The following MECOM variants were observed in gnomAD, a reference collection of about 807,000 sequenced individuals.
The protein encoded by MECOM is MDS1 and EVI1 complex locus.
MECOM carries 13 observed loss-of-function variants against 116.3 expected under a neutral mutation model. The ratio of observed to expected loss-of-function variants is 0.11; its 90% CI spans 0.07 to 0.18. The LOEUF (loss-of-function observed/expected upper bound fraction) is 0.18. Ranked by LOEUF, MECOM falls within the 10% of genes least tolerant of loss-of-function variation. The probability of loss-of-function intolerance (pLI) is 1.00; values close to 1 mark genes in which losing one functional copy is unlikely to be tolerated. For missense variants in MECOM, 1,299 were observed against 1,509.0 expected (o/e 0.86, Z 2.31); for synonymous variants, 528 against 535.2 (o/e 0.99, Z 0.19).
At chr3:169,589,809 C>A (rs73174374) in intron 1 of MECOM, among the ~76,000 whole-genome samples, 2,732 of 152,286 alleles carry the variant, frequency 0.018, 41 homozygotes, top group Middle Eastern at 0.054. Flanking sequence ...ACCTATACAT[C>A]CATCTACCTA....
chr3:169,480,725 T>C (rs1450206058), intron 1 of MECOM, among the ~76,000 whole-genome samples: 1 of 152,140 alleles, frequency 6.6e-6, no homozygotes, highest in Non-Finnish European at 1.5e-5. Context: ...TGAAGGGAGA[T>C]AAGCTGTTTC....
intron 2 of MECOM, among the ~76,000 whole-genome samples, chr3:169,351,862 C>CTCAATTT (rs1726394264): frequency 1.3e-5 from 2 of 151,956 alleles, no homozygotes; most frequent in African/African-American, 4.8e-5. Context: ...TCAACTACCT[C>CTCAATTT]TCAATTTTCC....
At chr3:169,460,911 AGATCATGTTC>A (rs1747334879) in intron 1 of MECOM, among the ~76,000 whole-genome samples, 2 of 152,190 alleles carry the variant, frequency 1.3e-5, no homozygotes, top group African/African-American at 2.4e-5. Context: ...GATATATGGG[AGATCATGTTC>A]CAGATTCAGG....
intron 1 of MECOM, among the ~76,000 whole-genome samples, chr3:169,569,714 C>A (rs1238715705): frequency 2.0e-5 from 3 of 152,152 alleles, no homozygotes; most frequent in Non-Finnish European, 4.4e-5. Flanking sequence ...ACTGAACAAC[C>A]TGCTCCTGAA....
chr3:169,157,815 G>A (rs1476723898), intron 2 of MECOM, among the ~76,000 whole-genome samples: 3 of 152,126 alleles, frequency 2.0e-5, no homozygotes, highest in Non-Finnish European at 4.4e-5. Flanking sequence ...AGAAGGGGGG[G>A]ATGCCAGAAG....
At chr3:169,158,863 C>T (rs755904688) in intron 2 of MECOM, among the ~76,000 whole-genome samples, 1 of 152,182 alleles carries the variant, frequency 6.6e-6, no homozygotes. Flanking sequence ...CAGACCAGCA[C>T]TTCTCTAATT....
At chr3:169,185,486 C>T (rs1170026646) in intron 2 of MECOM, among the ~76,000 whole-genome samples, 1 of 151,884 alleles carries the variant, frequency 6.6e-6, no homozygotes, top group Non-Finnish European at 1.5e-5. Context: ...ATGAAGTTTG[C>T]AATAAGATAA....
At chr3:169,337,414 G>A (rs750428752) in intron 2 of MECOM, among the ~76,000 whole-genome samples, 12 of 152,040 alleles carry the variant, frequency 7.9e-5, no homozygotes, top group Non-Finnish European at 1.6e-4. Flanking sequence ...ATTGATTCCC[G>A]ACACGCATCC....
At chr3:169,235,925 CT>C (rs201021228) in intron 2 of MECOM, among the ~76,000 whole-genome samples, 4 of 149,216 alleles carry the variant, frequency 2.7e-5, no homozygotes, top group African/African-American at 4.9e-5. Flanking sequence ...AACTTACAAC[CT>C]TTTTTTTTAC....
intron 1 of MECOM, among the ~76,000 whole-genome samples, chr3:169,632,190 A>AATATAT (rs151117390): frequency 3.6e-5 from 5 of 140,142 alleles, no homozygotes; most frequent in South Asian, 4.8e-4. Context: ...TCTGGAGAGA[A>AATATAT]ATATATATAT....
intron 1 of MECOM, among the ~76,000 whole-genome samples, chr3:169,576,553 G>A (rs1334649618): frequency 6.6e-6 from 1 of 152,036 alleles, no homozygotes; most frequent in African/African-American, 2.4e-5. Context: ...CCAACATTCT[G>A]CAACAATGAA....
intron 1 of MECOM, among the ~76,000 whole-genome samples, chr3:169,627,283 G>A (rs1055277859): frequency 6.6e-6 from 1 of 152,178 alleles, no homozygotes; most frequent in African/African-American, 2.4e-5. Context: ...CCTCTGCAGA[G>A]CCTCAGAGAA....
chr3:169,262,557 A>G (rs180811257), intron 2 of MECOM, among the ~76,000 whole-genome samples: 6 of 152,230 alleles, frequency 3.9e-5, no homozygotes, highest in African/African-American at 4.8e-5. Flanking sequence ...GGTGAAGGCC[A>G]CGGGTCACGT....
chr3:169,333,690 G>C (rs1255224012), intron 2 of MECOM, among the ~76,000 whole-genome samples: 1 of 151,784 alleles, frequency 6.6e-6, no homozygotes, highest in Non-Finnish European at 1.5e-5. Flanking sequence ...ATTGTTGCAG[G>C]TAAAGAAAAC....
At chr3:169,453,472 G>T (rs574289221) in intron 1 of MECOM, among the ~76,000 whole-genome samples, 1 of 152,148 alleles carries the variant, frequency 6.6e-6, no homozygotes, top group Non-Finnish European at 1.5e-5. Context: ...CACAGCCTTC[G>T]CAGATAAAAT....
intron 1 of MECOM, among the ~76,000 whole-genome samples, chr3:169,555,199 T>G (rs1761881426): frequency 6.6e-6 from 1 of 152,232 alleles, no homozygotes; most frequent in African/African-American, 2.4e-5. Context: ...GTTCCTTCCT[T>G]CCTTCATGTC....
At chr3:169,102,264 A>C in intron 10 of MECOM, 38 bp from the exon 11 acceptor site, 1 of 1,570,260 alleles carries the variant, frequency 6.4e-7, no homozygotes, top group Non-Finnish European at 8.7e-7. Context: ...AGCGTTTGGC[A>C]TCTTGTCTTC....
rs1276298968 is a variant in MECOM at position 169,644,235 on chromosome 3, TG to T, written c.37+19100del. On this transcript the variant is annotated intron_variant, in intron 1 of 16. Transcript: ENST00000651503. ...TTCCTCGCATTTTATTTTATTTATT[TG>T]TTTATTTATTTATTTATTTATTTAT... is the stretch of plus-strand genomic sequence containing the variant. Among the ~76,000 whole-genome samples the T allele has an allele frequency of 4.7e-3, 519 of 110,106 alleles. 2 individuals are homozygous for T. Among genetic ancestry groups the T allele is most frequent in the African/African-American group, 0.019 (504 of 26,422 alleles). 72.2% of individuals were successfully genotyped at this position (110,106 alleles called of 152,430 possible). A position where few individuals can be genotyped will look rare whatever the true frequency, so the allele number is the denominator to read the frequency against.
chr3:169,532,425 G>A (rs1209721987), intron 1 of MECOM, among the ~76,000 whole-genome samples: 2 of 152,154 alleles, frequency 1.3e-5, no homozygotes, highest in Non-Finnish European at 2.9e-5. Context: ...TTGCTAACAA[G>A]CAATACCAGC....
Sources: allele counts gnomAD v4.1 joint callset (sites outside exome capture counted in the v4.1 genomes callset), GRCh38; gene constraint gnomAD v4.1.1; transcripts MANE v1.5; gene names NCBI Gene and HGNC (gene_info 2026-07-23, HGNC 2026-07-21).